Variants in LAMA3 observed in about 807,000 individuals in gnomAD.
LAMA3 encodes laminin subunit alpha-3.
A neutral mutation model predicts 402.0 loss-of-function variants in LAMA3; 281 were observed. The observed-to-expected ratio is 0.70, with a 90% CI of 0.63 to 0.77. LAMA3 has a LOEUF of 0.77. Among genes scored for constraint, LAMA3 ranks in the 30% least tolerant of loss-of-function variants. LAMA3 has a pLI of 0.00. For synonymous variants in LAMA3, 1,431 were observed against 1,558.4 expected, an observed-to-expected ratio of 0.92 and a Z score of 1.93; for missense variants, 3,840 against 4,215.5, an observed-to-expected ratio of 0.91 and a Z score of 2.47.
chr18:23,815,654 T>C, intron 17 of LAMA3, 81 bp downstream of exon 17: 2 of 986,490 alleles, frequency 2.0e-6, no homozygotes, highest in Non-Finnish European at 3.2e-6. Flanking sequence ...TCTGAGTTTG[T>C]CATCTTCACG....
intron 12 of LAMA3, among the ~76,000 whole-genome samples, chr18:23,806,010 A>G (rs1200062055): frequency 6.6e-6 from 1 of 152,160 alleles, no homozygotes; most frequent in Non-Finnish European, 1.5e-5. Context: ...CAACTCTTCC[A>G]CTTCTACAAA....
At chr18:23,953,757 T>C (rs2083012279) in intron 74 of LAMA3, among the ~76,000 whole-genome samples, 2 of 152,210 alleles carry the variant, frequency 1.3e-5, no homozygotes, top group African/African-American at 4.8e-5. Flanking sequence ...TTCAGGTATT[T>C]AGTTTTACTA....
intron 54 of LAMA3, 79 bp downstream of exon 54, chr18:23,908,014 T>G: frequency 3.6e-6 from 5 of 1,392,182 alleles, no homozygotes; most frequent in Non-Finnish European, 5.1e-6. Flanking sequence ...CATTCTTCCC[T>G]GGTAAAGTCT....
intron 68 of LAMA3, among the ~76,000 whole-genome samples, chr18:23,939,720 T>C (rs1028380795): frequency 3.3e-5 from 5 of 152,252 alleles, no homozygotes; most frequent in African/African-American, 1.2e-4. Flanking sequence ...TCACCTTTCT[T>C]TTCTTGTATT....
chr18:23,819,723 A>G, intron 18 of LAMA3, 118 bp from the exon 19 acceptor site: 1 of 894,570 alleles, frequency 1.1e-6, no homozygotes, highest in South Asian at 1.4e-5. Flanking sequence ...TTTGTCCTTT[A>G]TTTAATGTAC....
intron 41 of LAMA3, among the ~76,000 whole-genome samples, chr18:23,888,850 T>A (rs2080533493): frequency 6.6e-6 from 1 of 151,226 alleles, no homozygotes; most frequent in African/African-American, 2.4e-5. Context: ...AATTTGGGGG[T>A]GACTGGATGG....
chr18:23,917,437 A>C (rs1021735303), intron 60 of LAMA3, among the ~76,000 whole-genome samples: 1 of 152,234 alleles, frequency 6.6e-6, no homozygotes, highest in African/African-American at 2.4e-5. Flanking sequence ...TGAGAAATAG[A>C]CAAACTGCTT....
At chr18:23,939,492 G>C (rs955385796) in intron 68 of LAMA3, 106 bp downstream of exon 68, 32 of 1,209,724 alleles carry the variant, frequency 2.6e-5, no homozygotes, top group Non-Finnish European at 3.9e-5. Flanking sequence ...CTCTAATGAA[G>C]GTGGCACTAC....
intron 56 of LAMA3, among the ~76,000 whole-genome samples, chr18:23,913,875 C>A (rs1367277873): frequency 2.0e-5 from 3 of 152,126 alleles, no homozygotes; most frequent in African/African-American, 7.2e-5. Flanking sequence ...GTACTTAATG[C>A]CAATGCACAC....
chr18:23,689,503 G>A lies in LAMA3; in HGVS notation c.-181G>A. 2 of 486,216 alleles carry A rather than the reference G, an allele frequency of 4.1e-6. No individual in the cohort carries two copies. Among genetic ancestry groups the A allele is most frequent in the East Asian group, 3.9e-5 (1 of 25,830 alleles). 30.1% of individuals were successfully genotyped at this position (486,216 alleles called of 1,614,324 possible). A position where few individuals can be genotyped will look rare whatever the true frequency, so the allele number is the denominator to read the frequency against. ...TCCAGCCGCGGCAGGTTCCAGAGCT[G>A]AGAGGCCACCCCCACGCCGCGGGCT... On this transcript the variant is annotated 5_prime_UTR_variant, in exon 1 of 75. Transcript: ENST00000313654.
intron 2 of LAMA3, among the ~76,000 whole-genome samples, chr18:23,718,886 C>T (rs1467514094): frequency 6.6e-6 from 1 of 152,210 alleles, no homozygotes; most frequent in African/African-American, 2.4e-5. Flanking sequence ...AAGCCCAGCA[C>T]TTAATGCCCC....
intron 34 of LAMA3, 47 bp from the exon 35 acceptor site, chr18:23,861,599 G>A: frequency 6.2e-7 from 1 of 1,610,924 alleles, no homozygotes; most frequent in East Asian, 2.2e-5. Flanking sequence ...CCCCAGGGAT[G>A]CCACGACCAA....
intron 2 of LAMA3, among the ~76,000 whole-genome samples, chr18:23,736,239 T>A (rs2146033673): frequency 6.6e-6 from 1 of 150,932 alleles, no homozygotes; most frequent in Admixed American, 6.6e-5. Context: ...AAGTGCTTTT[T>A]TAATGTATGT....
intron 12 of LAMA3, among the ~76,000 whole-genome samples, chr18:23,790,070 G>A (rs1487942182): frequency 6.6e-6 from 1 of 152,176 alleles, no homozygotes; most frequent in Non-Finnish European, 1.5e-5. Flanking sequence ...AGGAGAATAC[G>A]TAGGGAGTAG....
At chr18:23,710,484 C>T (rs1333215678) in intron 1 of LAMA3, among the ~76,000 whole-genome samples, 2 of 152,122 alleles carry the variant, frequency 1.3e-5, no homozygotes, top group Admixed American at 6.5e-5. Flanking sequence ...ATGTCCACGT[C>T]GACTTAATTC....
intron 2 of LAMA3, among the ~76,000 whole-genome samples, chr18:23,738,429 G>A (rs1274110689): frequency 2.0e-5 from 3 of 152,158 alleles, no homozygotes; most frequent in Non-Finnish European, 4.4e-5. Flanking sequence ...ACTTGGGAAA[G>A]TAAAGGAAGC....
chr18:23,832,376 T>A (rs2063505139), intron 23 of LAMA3, among the ~76,000 whole-genome samples: 1 of 151,820 alleles, frequency 6.6e-6, no homozygotes, highest in Non-Finnish European at 1.5e-5. Flanking sequence ...CTTTCTGTCA[T>A]TTAAGTGACA....
chr18:23,792,831 C>T (rs1019226535), intron 12 of LAMA3, among the ~76,000 whole-genome samples: 59 of 152,056 alleles, frequency 3.9e-4, no homozygotes, highest in African/African-American at 1.4e-3. Context: ...GGTTCCTGCC[C>T]GATAGGTCTG....
chr18:23,812,109 G>A (rs914545654), intron 13 of LAMA3, among the ~76,000 whole-genome samples: 9 of 152,144 alleles, frequency 5.9e-5, no homozygotes, highest in Non-Finnish European at 1.0e-4. Context: ...TCCTGACCTC[G>A]TGATTTGCCC....
Sources: allele counts gnomAD v4.1 joint callset (sites outside exome capture counted in the v4.1 genomes callset), GRCh38; gene constraint gnomAD v4.1.1; transcripts MANE v1.5; gene names NCBI Gene and HGNC (gene_info 2026-07-23, HGNC 2026-07-21).